The following ARHGAP15 variants were observed in gnomAD, a reference collection of about 807,000 sequenced individuals.
ARHGAP15 encodes the protein Rho GTPase activating protein 15, also known as rho GTPase-activating protein 15.
A neutral mutation model predicts 63.7 loss-of-function variants in ARHGAP15; 51 were observed. That is an observed-to-expected ratio of 0.80 (90% CI 0.64 to 1.01). ARHGAP15 has a LOEUF of 1.01. Ranked by LOEUF, ARHGAP15 falls within the 50% of genes least tolerant of loss-of-function variation. ARHGAP15 has a pLI of 0.00. For synonymous variants in ARHGAP15, 191 were observed against 193.8 expected, an observed-to-expected ratio of 0.99 and a Z score of 0.12; for missense variants, 560 against 564.6, an observed-to-expected ratio of 0.99 and a Z score of 0.08.
At chr2:143,653,290 A>G (rs112268662) in intron 12 of ARHGAP15, among the ~76,000 whole-genome samples, 11 of 152,088 alleles carry the variant, frequency 7.2e-5, no homozygotes, top group African/African-American at 2.7e-4. Context: ...TTTCATATCT[A>G]TATTTATAAA....
intron 13 of ARHGAP15, among the ~76,000 whole-genome samples, chr2:143,727,454 C>A (rs1457610426): frequency 6.8e-6 from 1 of 146,268 alleles, no homozygotes; most frequent in Non-Finnish European, 1.6e-5. Flanking sequence ...ACCTCAGGTT[C>A]TTTTGTTTAA....
At chr2:143,719,242 A>G (rs530653557) in intron 13 of ARHGAP15, among the ~76,000 whole-genome samples, 16 of 152,274 alleles carry the variant, frequency 1.1e-4, no homozygotes, top group Non-Finnish European at 1.6e-4. Flanking sequence ...TACTTCATTT[A>G]TTGATTTTCA....
intron 2 of ARHGAP15, among the ~76,000 whole-genome samples, chr2:143,172,996 G>A (rs1207654556): frequency 2.0e-5 from 3 of 152,002 alleles, no homozygotes; most frequent in Non-Finnish European, 4.4e-5. Flanking sequence ...ATTGGAAAAG[G>A]GGGAGTGAAC....
At chr2:143,357,476 C>T (rs1270983764) in intron 6 of ARHGAP15, among the ~76,000 whole-genome samples, 1 of 151,948 alleles carries the variant, frequency 6.6e-6, no homozygotes, top group African/African-American at 2.4e-5. Flanking sequence ...TTCTTGAGAA[C>T]TGAAAAATAT....
chr2:143,616,612 G>A (rs1480264432), intron 11 of ARHGAP15, among the ~76,000 whole-genome samples: 2 of 152,094 alleles, frequency 1.3e-5, no homozygotes, highest in Admixed American at 6.6e-5. Context: ...AAAGTTTGTG[G>A]TTACTTCCTT....
At chr2:143,216,172 C>T (rs1692749395) in intron 3 of ARHGAP15, among the ~76,000 whole-genome samples, 1 of 152,218 alleles carries the variant, frequency 6.6e-6, no homozygotes. Flanking sequence ...AAATCATTCA[C>T]ATTCCTCTTC....
intron 13 of ARHGAP15, among the ~76,000 whole-genome samples, chr2:143,762,074 T>G (rs1686780469): frequency 6.6e-6 from 1 of 152,184 alleles, no homozygotes; most frequent in Non-Finnish European, 1.5e-5. Context: ...TTTCAAGAAT[T>G]GCAGTTTGGG....
At chr2:143,323,659 G>A (rs1364644126) in intron 6 of ARHGAP15, among the ~76,000 whole-genome samples, 2 of 152,042 alleles carry the variant, frequency 1.3e-5, no homozygotes, top group African/African-American at 4.8e-5. Flanking sequence ...CACTGTGGGA[G>A]GCTGAGGCGG....
At chr2:143,189,265 T>G (rs1458259830) in intron 2 of ARHGAP15, among the ~76,000 whole-genome samples, 1 of 152,168 alleles carries the variant, frequency 6.6e-6, no homozygotes, top group Non-Finnish European at 1.5e-5. Flanking sequence ...TGGAAGATTT[T>G]ACAATCTTTT....
intron 11 of ARHGAP15, chr2:143,587,799 T>C (rs1368970345): frequency 4.3e-6 from 2 of 467,220 alleles, no homozygotes; most frequent in African/African-American, 4.0e-5. Flanking sequence ...AGCCAATAAT[T>C]TGTCACTTCA....
At chr2:143,631,861 GACTAAT>G (rs113345724) in intron 12 of ARHGAP15, among the ~76,000 whole-genome samples, 28,654 of 151,746 alleles carry the variant, frequency 0.19, 2,858 homozygotes, top group South Asian at 0.25. Flanking sequence ...CCTTCACGTG[GACTAAT>G]ACTATTTTCT....
chr2:143,264,679 G>A (rs1680902765), intron 6 of ARHGAP15, among the ~76,000 whole-genome samples: 1 of 152,108 alleles, frequency 6.6e-6, no homozygotes, highest in Non-Finnish European at 1.5e-5. Flanking sequence ...AACAGTGGCA[G>A]TTTTAAACCA....
intron 8 of ARHGAP15, among the ~76,000 whole-genome samples, chr2:143,447,148 T>C (rs547062301): frequency 5.9e-5 from 9 of 152,268 alleles, no homozygotes; most frequent in African/African-American, 2.2e-4. Flanking sequence ...TACCCAGTAA[T>C]GGGCTGGGTA....
chr2:143,534,510 G>T (rs563841033), intron 10 of ARHGAP15, among the ~76,000 whole-genome samples: 5 of 151,872 alleles, frequency 3.3e-5, no homozygotes, highest in Admixed American at 3.3e-4. Flanking sequence ...GAAGAGACAG[G>T]CCTGGCTCAG....
At chr2:143,207,301 C>T (rs1213721004) in intron 3 of ARHGAP15, among the ~76,000 whole-genome samples, 2 of 151,898 alleles carry the variant, frequency 1.3e-5, no homozygotes, top group Admixed American at 1.3e-4. Flanking sequence ...GATCTATTTG[C>T]CCAATACTCT....
intron 8 of ARHGAP15, among the ~76,000 whole-genome samples, chr2:143,446,427 GC>G (rs978882279): frequency 1.3e-4 from 19 of 151,898 alleles, no homozygotes; most frequent in Non-Finnish European, 2.1e-4. Context: ...ATAAACAAAT[GC>G]GTAATTTTTT....
chr2:143,594,079 T>C (rs960036389), intron 11 of ARHGAP15, among the ~76,000 whole-genome samples: 1 of 152,158 alleles, frequency 6.6e-6, no homozygotes, highest in Non-Finnish European at 1.5e-5. Flanking sequence ...TGTGTGTGCA[T>C]GTGTGTGCGT....
At chr2:143,282,757 A>C (rs1273189166) in intron 6 of ARHGAP15, among the ~76,000 whole-genome samples, 1 of 152,114 alleles carries the variant, frequency 6.6e-6, no homozygotes, top group Non-Finnish European at 1.5e-5. Flanking sequence ...TAAATTACAG[A>C]GCCAAAATTT....
intron 12 of ARHGAP15, among the ~76,000 whole-genome samples, chr2:143,649,853 G>A (rs1188234636): frequency 6.6e-6 from 1 of 151,760 alleles, no homozygotes; most frequent in Non-Finnish European, 1.5e-5. Flanking sequence ...CCATTTTACA[G>A]GTGGAAGGAA....
Sources: allele counts gnomAD v4.1 joint callset (sites outside exome capture counted in the v4.1 genomes callset), GRCh38; gene constraint gnomAD v4.1.1; transcripts MANE v1.5; gene names NCBI Gene and HGNC (gene_info 2026-07-23, HGNC 2026-07-21).